The following EDIL3 variants were observed in gnomAD, a reference collection of about 807,000 sequenced individuals.
EDIL3 encodes the protein EGF like and discoidin domains 3.
A neutral mutation model predicts 67.4 loss-of-function variants in EDIL3; 37 were observed. The ratio of observed to expected loss-of-function variants is 0.55; its 90% CI spans 0.42 to 0.72. EDIL3 has a LOEUF of 0.72. Among genes scored for constraint, EDIL3 ranks in the 30% least tolerant of loss-of-function variants. The pLI, the probability that EDIL3 is intolerant of heterozygous loss-of-function variation, is 0.00. For missense variants in EDIL3, 527 were observed against 586.3 expected, an observed-to-expected ratio of 0.90 and a Z score of 1.04; for synonymous variants, 195 against 196.3, an observed-to-expected ratio of 0.99 and a Z score of 0.05.
intron 1 of EDIL3, among the ~76,000 whole-genome samples, chr5:84,300,995 C>T (rs1036798002): frequency 3.3e-5 from 5 of 151,958 alleles, no homozygotes; most frequent in South Asian, 2.1e-4. Context: ...ATCAGCTGGG[C>T]GCAGTGGCTC....
intron 4 of EDIL3, among the ~76,000 whole-genome samples, chr5:84,175,102 G>A (rs1050694337): frequency 6.6e-6 from 1 of 152,154 alleles, no homozygotes; most frequent in Non-Finnish European, 1.5e-5. Context: ...GGACCACACT[G>A]TATGTAACCT....
chr5:84,114,569 C>A (rs1424895957), intron 5 of EDIL3, among the ~76,000 whole-genome samples: 1 of 152,156 alleles, frequency 6.6e-6, no homozygotes. Context: ...GAGATTGCTT[C>A]TTTGTATTGG....
chr5:84,084,915 AT>A (rs774554346), intron 6 of EDIL3, among the ~76,000 whole-genome samples: 1 of 152,204 alleles, frequency 6.6e-6, no homozygotes, highest in Non-Finnish European at 1.5e-5. Context: ...CTACAGTTCA[AT>A]TTTTTAAAAA....
intron 5 of EDIL3, among the ~76,000 whole-genome samples, chr5:84,127,690 C>T (rs1473863074): frequency 2.0e-5 from 3 of 151,924 alleles, no homozygotes; most frequent in Non-Finnish European, 4.4e-5. Context: ...TGCTCTAATT[C>T]TGTATTCCTC....
At chr5:84,378,075 G>A (rs1237358294) in intron 1 of EDIL3, among the ~76,000 whole-genome samples, 1 of 152,004 alleles carries the variant, frequency 6.6e-6, no homozygotes, top group East Asian at 1.9e-4. Context: ...ATTCAGTTTT[G>A]TGTCTTCTAA....
intron 9 of EDIL3, among the ~76,000 whole-genome samples, chr5:84,015,280 A>C (rs982668311): frequency 1.3e-5 from 2 of 152,242 alleles, no homozygotes; most frequent in African/African-American, 4.8e-5. Context: ...AACTGATTAA[A>C]TGATAAAAGT....
chr5:84,198,507 A>T (rs1203608495), intron 3 of EDIL3, among the ~76,000 whole-genome samples: 1 of 152,096 alleles, frequency 6.6e-6, no homozygotes, highest in Non-Finnish European at 1.5e-5. Flanking sequence ...AGTCTTAAGG[A>T]TTAACATACT....
At chr5:84,217,895 T>C (rs1216030684) in intron 3 of EDIL3, among the ~76,000 whole-genome samples, 1 of 152,152 alleles carries the variant, frequency 6.6e-6, no homozygotes, top group Non-Finnish European at 1.5e-5. Context: ...TTTTTTAACT[T>C]TGATGCTTTT....
At chr5:84,111,131 G>T (rs1020524595) in intron 5 of EDIL3, among the ~76,000 whole-genome samples, 13 of 152,138 alleles carry the variant, frequency 8.5e-5, no homozygotes, top group African/African-American at 3.1e-4. Flanking sequence ...AGACATGCTT[G>T]CTTCCCCTTT....
chr5:84,042,401 C>T (rs1746144871), intron 9 of EDIL3, among the ~76,000 whole-genome samples: 1 of 151,926 alleles, frequency 6.6e-6, no homozygotes, highest in African/African-American at 2.4e-5. Flanking sequence ...CCTGCCTCAG[C>T]CCCCCGAGTA....
chr5:83,997,645 C>G (rs1350077299), intron 9 of EDIL3, among the ~76,000 whole-genome samples: 1 of 152,002 alleles, frequency 6.6e-6, no homozygotes, highest in African/African-American at 2.4e-5. Flanking sequence ...ATACGAAAGT[C>G]GTCCACACTG....
chr5:84,158,982 A>C (rs756959921), intron 4 of EDIL3, among the ~76,000 whole-genome samples: 4 of 152,046 alleles, frequency 2.6e-5, no homozygotes, highest in Non-Finnish European at 5.9e-5. Flanking sequence ...AAAACCCATA[A>C]AACTATTCCC....
chr5:84,382,695 G>T (rs763267996), intron 1 of EDIL3, among the ~76,000 whole-genome samples: 3 of 152,148 alleles, frequency 2.0e-5, no homozygotes, highest in African/African-American at 4.8e-5. Flanking sequence ...CAGCAGCCGT[G>T]GAAGCACTCT....
chr5:84,298,533 G>A (rs1047291035), intron 1 of EDIL3, among the ~76,000 whole-genome samples: 1 of 152,094 alleles, frequency 6.6e-6, no homozygotes, highest in African/African-American at 2.4e-5. Flanking sequence ...TTAATACCAA[G>A]GTGATAGGTT....
chr5:84,158,363 A>T (rs1017165354), intron 4 of EDIL3, among the ~76,000 whole-genome samples: 9 of 152,052 alleles, frequency 5.9e-5, no homozygotes, highest in African/African-American at 2.2e-4. Context: ...CTGAGAAAAT[A>T]ATTTATCCAA....
intron 9 of EDIL3, among the ~76,000 whole-genome samples, chr5:83,989,706 G>T (rs183041787): frequency 1.9e-4 from 29 of 152,306 alleles, no homozygotes; most frequent in Non-Finnish European, 3.4e-4. Context: ...TCTCGTACTT[G>T]TATATTCGCC....
At chr5:84,379,247 T>C (rs1199553872) in intron 1 of EDIL3, among the ~76,000 whole-genome samples, 4 of 152,168 alleles carry the variant, frequency 2.6e-5, no homozygotes, top group South Asian at 2.1e-4. Context: ...TAAAGGTCAA[T>C]TGCAATCAAA....
chr5:84,229,734 TAAAC>T (rs1744528448), intron 3 of EDIL3, 117 bp downstream of exon 3: 5 of 1,006,380 alleles, frequency 5.0e-6, no homozygotes, highest in Non-Finnish European at 7.3e-6. Flanking sequence ...AGTAAATAAA[TAAAC>T]AAACCTGTGC....
At chr5:83,986,844 G>A (rs766277257) in intron 9 of EDIL3, among the ~76,000 whole-genome samples, 14 of 152,030 alleles carry the variant, frequency 9.2e-5, no homozygotes, top group Non-Finnish European at 1.9e-4. Context: ...TATCTTGAAG[G>A]GGCTTTATGG....
Sources: gnomAD v4.1 joint callset for allele counts (sites outside exome capture counted in the v4.1 genomes callset) on GRCh38, gnomAD v4.1.1 for gene constraint, MANE v1.5 for transcripts, NCBI Gene and HGNC (gene_info 2026-07-23, HGNC 2026-07-21) for gene names.